The following TNKS variants were observed in gnomAD, a reference collection of about 807,000 sequenced individuals.
TNKS encodes the protein tankyrase, also known as poly [ADP-ribose] polymerase tankyrase-1.
In TNKS, 72 loss-of-function variants were observed where a neutral mutation model predicts 135.8. That is an observed-to-expected ratio of 0.53 (90% CI 0.44 to 0.64). The LOEUF (loss-of-function observed/expected upper bound fraction) is 0.64, where lower values mean the gene tolerates loss of function less well. Among genes scored for constraint, TNKS ranks in the 30% least tolerant of loss-of-function variants. The pLI, the probability that TNKS is intolerant of heterozygous loss-of-function variation, is 0.00. For synonymous variants in TNKS, 849 were observed against 649.3 expected (o/e 1.31, Z -4.68); for missense variants, 1,769 against 1,674.0 (o/e 1.06, Z -0.99).
In TNKS at chr8:9,763,223, A is replaced by T. The variant is rs1807244562; in HGVS notation, c.3351A>T (p.Glu1117Asp). The change falls in exon 22 of 27, where the codon GAA becomes GAT. Residue 1117 changes from glutamate (E) to aspartate (D), a missense_variant. Glu to Asp is a conservative substitution (Grantham distance 45). This residue lies in a region of TNKS where 722 missense variants were observed against 688.9 expected (regional missense o/e 1.05). Coordinates refer to ENST00000310430, the MANE Select transcript of TNKS (RefSeq NM_003747.3). ...ILLDLAPEDK[E>D]YQSVEEEMQS... ...TGGATCTTGCTCCAGAAGATAAAGAATATCAGTCAGTGGAAGAAGAGGTAA... is the reference window on the plus strand; with the variant it reads ...TGGATCTTGCTCCAGAAGATAAAGATTATCAGTCAGTGGAAGAAGAGGTAA... 6.2e-7 allele frequency: 1 copy of T among 1,608,814 alleles called. No homozygotes were observed. The highest frequency in any genetic ancestry group is 8.5e-7 in the Non-Finnish European group (1 of 1,176,102).
intron 1 of TNKS, among the ~76,000 whole-genome samples, chr8:9,572,154 A>C (rs1048867613): frequency 6.6e-6 from 1 of 152,246 alleles, no homozygotes; most frequent in South Asian, 2.1e-4. Context: ...GTTTTCAACC[A>C]GGATCTTTCT....
chr8:9,573,387 T>A (rs1797832824), intron 1 of TNKS, among the ~76,000 whole-genome samples: 1 of 152,190 alleles, frequency 6.6e-6, no homozygotes, highest in Admixed American at 6.5e-5. Flanking sequence ...GGTTACAGCT[T>A]ATTGTTTGCC....
intron 17 of TNKS, among the ~76,000 whole-genome samples, chr8:9,739,126 C>T (rs983339498): frequency 1.5e-5 from 2 of 136,400 alleles, no homozygotes; most frequent in Admixed American, 1.5e-4. Flanking sequence ...CAACCTACAA[C>T]ATGGGAGAAA....
At chr8:9,706,298 T>C (rs1323946095) in intron 7 of TNKS, 45 bp downstream of exon 7, 2 of 1,405,936 alleles carry the variant, frequency 1.4e-6, no homozygotes, top group Admixed American at 4.6e-5. Flanking sequence ...TTTTTTTTTT[T>C]TTCTTTACCT....
intron 3 of TNKS, among the ~76,000 whole-genome samples, chr8:9,676,827 T>C (rs1160977091): frequency 6.6e-6 from 1 of 152,194 alleles, no homozygotes; most frequent in African/African-American, 2.4e-5. Context: ...CCATTTACTT[T>C]TATTTTAATA....
intron 1 of TNKS, among the ~76,000 whole-genome samples, chr8:9,564,125 C>G (rs577903815): frequency 6.6e-6 from 1 of 152,202 alleles, no homozygotes; most frequent in Non-Finnish European, 1.5e-5. Context: ...GGAACCTTAA[C>G]CGGAGACATT....
intron 3 of TNKS, among the ~76,000 whole-genome samples, chr8:9,677,478 T>C (rs1802594343): frequency 6.6e-6 from 1 of 152,198 alleles, no homozygotes; most frequent in African/African-American, 2.4e-5. Context: ...GGAGTCATGT[T>C]TCACTACGAC....
rs768669480 is a variant in TNKS, at chr8:9,708,364, T to C, written c.1457-7T>C. 50 of 1,576,056 alleles carry C rather than the reference T, an allele frequency of 3.2e-5. No individual in the cohort carries two copies. The East Asian group carries it at 1.1e-3, about 35-fold the overall frequency. ...TTTTTTTATGTCAACCATTGTTTCATTGACAGATGAATTTAAAGGTCATTC... is the reference window on the plus strand; with the variant it reads ...TTTTTTTATGTCAACCATTGTTTCACTGACAGATGAATTTAAAGGTCATTC... On this transcript the variant is annotated splice_polypyrimidine_tract_variant and splice_region_variant and intron_variant, in intron 8 of 26. Coordinates refer to ENST00000310430, the MANE Select transcript of TNKS (RefSeq NM_003747.3).
intron 25 of TNKS, among the ~76,000 whole-genome samples, chr8:9,768,725 C>T (rs1807614746): frequency 1.3e-5 from 2 of 152,230 alleles, no homozygotes; most frequent in South Asian, 4.1e-4. Context: ...CTAACGACAA[C>T]ATAGCACTGC....
At chr8:9,613,863 G>C (rs1421972468) in intron 2 of TNKS, among the ~76,000 whole-genome samples, 1 of 152,116 alleles carries the variant, frequency 6.6e-6, no homozygotes, top group African/African-American at 2.4e-5. Context: ...TTTACTTCTA[G>C]CACTCATTAA....
intron 17 of TNKS, chr8:9,741,635 A>G (rs143672016): frequency 1.2e-5 from 6 of 480,134 alleles, no homozygotes; most frequent in Non-Finnish European, 1.8e-5. Flanking sequence ...TTTATAAACT[A>G]AGTATTTTAC....
intron 11 of TNKS, among the ~76,000 whole-genome samples, chr8:9,717,103 T>TATATATATTTA (rs1554476739): frequency 4.6e-4 from 18 of 39,322 alleles, no homozygotes; most frequent in East Asian, 2.2e-3. Flanking sequence ...ATATATATAT[T>TATATATATTTA]TTCAGGGAAT....
chr8:9,630,982 G>T (rs1800268350), intron 3 of TNKS, among the ~76,000 whole-genome samples: 1 of 151,904 alleles, frequency 6.6e-6, no homozygotes, highest in Admixed American at 6.6e-5. Context: ...ACATTTTCAT[G>T]ACCTTTTCTA....
Position 9,779,952 on chromosome 8 carries a change from T to C in TNKS, c.*3216T>C, listed in dbSNP as rs1294417584. The C allele has an allele frequency of 3.3e-5, 5 of 152,228 alleles. No individual in the cohort carries two copies. The highest frequency in any genetic ancestry group is 1.2e-4 in the African/African-American group (5 of 41,454). The allele number at this position is 152,228 out of a possible 1,614,324, so 9.4% of individuals were successfully genotyped here. On this transcript the variant is annotated 3_prime_UTR_variant, in exon 27 of 27. Coordinates refer to ENST00000310430, the MANE Select transcript of TNKS (RefSeq NM_003747.3). The stretch of plus-strand genomic sequence containing the variant: ...TAGCATCCTTATACTTCTTTGAGCT[T>C]GATGTTAGTGGCTAGACTGATTTCC...
At chr8:9,666,719 T>TAA (rs749333851) in intron 3 of TNKS, among the ~76,000 whole-genome samples, 12 of 130,972 alleles carry the variant, frequency 9.2e-5, no homozygotes, top group African/African-American at 1.7e-4. Flanking sequence ...AGACTCTATC[T>TAA]AAAAAAAAAA....
chr8:9,751,568 T>G, intron 18 of TNKS, 41 bp from the exon 19 acceptor site: 1 of 1,554,178 alleles, frequency 6.4e-7, no homozygotes. Flanking sequence ...CATTTTAATA[T>G]ATAGTATTTT....
rs369881945 is a variant in TNKS, at chr8:9,632,887, G to T, written c.994+17210G>T. Among the ~76,000 whole-genome samples the T allele has an allele frequency of 2.8e-4, 43 of 152,068 alleles. 1 individual carries two copies. Among genetic ancestry groups the T allele is most frequent in the Non-Finnish European group, 1.3e-4 (9 of 67,974 alleles). ...TGGGACTACAGGCGCCTGCCACCACGCCCGGCTAATTTTTTGTATTTTTAG... is the reference window on the plus strand; with the variant it reads ...TGGGACTACAGGCGCCTGCCACCACTCCCGGCTAATTTTTTGTATTTTTAG... On this transcript the variant is annotated intron_variant, in intron 3 of 26. Transcript: ENST00000310430.
intron 1 of TNKS, among the ~76,000 whole-genome samples, chr8:9,564,358 G>T (rs1372580637): frequency 6.6e-6 from 1 of 151,906 alleles, no homozygotes; most frequent in Non-Finnish European, 1.5e-5. Flanking sequence ...AGGTCGAGTT[G>T]TGAGCATAAA....
chr8:9,733,245 T>A (rs7001395), intron 14 of TNKS, 34 bp from the exon 15 acceptor site: 112,987 of 1,525,948 alleles, frequency 0.074, 5,193 homozygotes, highest in South Asian at 0.17. Flanking sequence ...CAAAGGTTTG[T>A]TTTATGACTT....
Sources: gnomAD v4.1 joint callset for allele counts (sites outside exome capture counted in the v4.1 genomes callset) on GRCh38, gnomAD v4.1.1 for gene constraint, gnomAD v4.1.1 regional missense constraint, MANE v1.5 for transcripts, NCBI Gene and HGNC (gene_info 2026-07-23, HGNC 2026-07-21) for gene names.